The following TMEM68 variants were observed in gnomAD, a reference collection of about 807,000 sequenced individuals.
TMEM68 encodes DGAT1/2-independent enzyme synthesizing storage lipids.
Under a neutral mutation model 36.9 loss-of-function variants are expected in TMEM68, and 25 were observed. The ratio of observed to expected loss-of-function variants is 0.68; its 90% CI spans 0.49 to 0.95. TMEM68 has a LOEUF of 0.95. Among genes scored for constraint, TMEM68 ranks in the 40% least tolerant of loss-of-function variants. The pLI is 0.00. For synonymous variants in TMEM68, 131 were observed against 124.4 expected (o/e 1.05, Z -0.35); for missense variants, 333 against 392.0 (o/e 0.85, Z 1.27).
intron 6 of TMEM68, among the ~76,000 whole-genome samples, chr8:55,744,141 G>A (rs544676595): frequency 1.3e-5 from 2 of 151,238 alleles, no homozygotes; most frequent in South Asian, 2.1e-4. Context: ...ATGTAAATAT[G>A]AGACTATAAT....
chr8:55,745,090 C>T lies in TMEM68; in HGVS notation c.719G>A (p.Arg240Gln), dbSNP rs1392188919. 5 of 1,491,106 alleles carry T rather than the reference C, an allele frequency of 3.4e-6. No homozygotes were observed. The highest frequency in any genetic ancestry group is 4.4e-6 in the Non-Finnish European group (5 of 1,124,770). 92.4% of individuals were successfully genotyped at this position (1,491,106 alleles called of 1,614,324 possible). A position where few individuals can be genotyped will look rare whatever the true frequency, so the allele number is the denominator to read the frequency against. ...PIIPMFTQNI[R>Q]EGFRSLGGTR... ...TCCTCCAAGTGATCTAAATCCTTCT[C>T]GAATATTTTGTGTAAACATAGGAAT... is the stretch of plus-strand genomic sequence containing the variant. Residue 240 changes from arginine (R) to glutamine (Q), a missense_variant, in exon 6 of 8, where the codon CGA becomes CAA. Transcript: ENST00000434581.
chr8:55,761,072 G>A (rs1164425305), intron 3 of TMEM68: 1 of 152,078 alleles, frequency 6.6e-6, no homozygotes, highest in Non-Finnish European at 1.5e-5. Context: ...GTTGAAAGCA[G>A]AAAAATCCAA....
chr8:55,761,444 C>CAGT (rs1181927476), intron 3 of TMEM68: 1 of 152,194 alleles, frequency 6.6e-6, no homozygotes. Flanking sequence ...ACTCTACACT[C>CAGT]AGTCCCCAAG....
intron 3 of TMEM68, among the ~76,000 whole-genome samples, chr8:55,758,780 T>C (rs910098896): frequency 6.6e-6 from 1 of 152,186 alleles, no homozygotes; most frequent in African/African-American, 2.4e-5. Context: ...CACTCCAGGC[T>C]GGGTGACAGT....
intron 5 of TMEM68, chr8:55,746,623 T>C (rs1309653659): frequency 6.6e-6 from 1 of 152,098 alleles, no homozygotes; most frequent in African/African-American, 2.4e-5. Context: ...CAGTCAACCA[T>C]GAGTAAATGC....
At chr8:55,768,548 T>TA (rs907911248) in intron 1 of TMEM68, among the ~76,000 whole-genome samples, 4 of 149,454 alleles carry the variant, frequency 2.7e-5, no homozygotes, top group African/African-American at 4.9e-5. Flanking sequence ...AACTCATCTC[T>TA]AAAAAAAAAA....
In TMEM68 at chr8:55,759,468, G is replaced by A. The variant is rs536879138; in HGVS notation, c.326-3057C>T. On this transcript the variant is annotated intron_variant, in intron 3 of 7. Transcript: ENST00000434581. The stretch of plus-strand genomic sequence containing the variant: ...TGCCTATAGTCCCAGCTACTCGGGC[G>A]GCTCAGGCAGGAGAATCGCTCGAAC... 2.3e-4 allele frequency among the ~76,000 whole-genome samples: 35 copies of A among 152,130 alleles called. No individual in the cohort carries two copies. The East Asian group carries it at 3.3e-3, about 14-fold the overall frequency.
chr8:55,756,974 A>G (rs1810626234), intron 3 of TMEM68, among the ~76,000 whole-genome samples: 1 of 35,986 alleles, frequency 2.8e-5, no homozygotes, highest in African/African-American at 8.0e-5. Context: ...GGCATCCATG[A>G]GTTGTAGGGG....
At chr8:55,749,020 T>TA (rs1810361328) in intron 5 of TMEM68, among the ~76,000 whole-genome samples, 4 of 152,254 alleles carry the variant, frequency 2.6e-5, no homozygotes, top group Non-Finnish European at 2.9e-5. Context: ...CAAATGGGAA[T>TA]AAATAATAAT....
At chr8:55,744,911 A>T in intron 6 of TMEM68, 150 bp downstream of exon 6, 2 of 464,104 alleles carry the variant, frequency 4.3e-6, no homozygotes, top group Non-Finnish European at 7.4e-6. Flanking sequence ...ACGTAGAACT[A>T]GTTATCATTT....
intron 4 of TMEM68, among the ~76,000 whole-genome samples, chr8:55,754,498 T>C (rs9772564): frequency 5.4e-5 from 7 of 130,146 alleles, no homozygotes; most frequent in African/African-American, 5.7e-5. Flanking sequence ...CACACATACA[T>C]ACACACACAC....
intron 1 of TMEM68, among the ~76,000 whole-genome samples, chr8:55,765,916 G>A (rs1810948844): frequency 6.6e-6 from 1 of 151,818 alleles, no homozygotes; most frequent in African/African-American, 2.4e-5. Context: ...GACCTATTTA[G>A]CACCTATGTA....
intron 5 of TMEM68, chr8:55,747,011 A>C (rs1232197546): frequency 1.3e-5 from 2 of 152,244 alleles, no homozygotes; most frequent in Non-Finnish European, 2.9e-5. Context: ...AAAGTCAGAA[A>C]TAGACAGCAG....
intron 5 of TMEM68, among the ~76,000 whole-genome samples, chr8:55,750,276 T>C (rs1410440488): frequency 6.6e-6 from 1 of 152,212 alleles, no homozygotes; most frequent in Admixed American, 6.5e-5. Flanking sequence ...ATAAGTAAAA[T>C]GTGCCATAAT....
At chr8:55,761,541 T>C (rs576403667) in intron 3 of TMEM68, 35 of 152,320 alleles carry the variant, frequency 2.3e-4, no homozygotes, top group African/African-American at 8.4e-4. Flanking sequence ...CTAGTATACC[T>C]TGGGCAAATA....
intron 4 of TMEM68, among the ~76,000 whole-genome samples, chr8:55,753,909 T>C: frequency 6.6e-6 from 1 of 151,742 alleles, no homozygotes; most frequent in East Asian, 1.9e-4. Context: ...CTGGCCAACA[T>C]GATGAAACTC....
At chr8:55,760,188 A>C (rs1050793200) in intron 3 of TMEM68, among the ~76,000 whole-genome samples, 4 of 152,276 alleles carry the variant, frequency 2.6e-5, no homozygotes, top group African/African-American at 9.6e-5. Context: ...AGGGAATAGA[A>C]AAGACTTAAG....
chr8:55,762,532 T>C, intron 3 of TMEM68, 103 bp downstream of exon 3: 1 of 1,565,186 alleles, frequency 6.4e-7, no homozygotes, highest in East Asian at 2.3e-5. Flanking sequence ...ATCACTTCTA[T>C]TATATTTTTC....
chr8:55,756,164 G>C (rs932127212), intron 4 of TMEM68, 80 bp downstream of exon 4: 25 of 1,283,370 alleles, frequency 1.9e-5, no homozygotes, highest in Non-Finnish European at 2.6e-5. Context: ...TGACGTTAGA[G>C]AGCTCAGGAT....
Sources: allele counts gnomAD v4.1 joint callset (sites outside exome capture counted in the v4.1 genomes callset), GRCh38; gene constraint gnomAD v4.1.1; transcripts MANE v1.5; gene names NCBI Gene and HGNC (gene_info 2026-07-23, HGNC 2026-07-21).